Variants in CNTLN observed in about 807,000 individuals in gnomAD.
CNTLN encodes the protein centlein.
CNTLN carries 212 observed loss-of-function variants against 180.0 expected under a neutral mutation model. That is an observed-to-expected ratio of 1.18 (90% CI 1.05 to 1.32). The LOEUF is 1.32. CNTLN is among the 40% of genes most tolerant of loss of function. The pLI is 0.00. For missense variants in CNTLN, 2,095 were observed against 1,610.9 expected (o/e 1.30, Z -5.14); for synonymous variants, 722 against 563.1 (o/e 1.28, Z -3.99).
At chr9:17,361,910 C>G (rs1232127260) in intron 12 of CNTLN, among the ~76,000 whole-genome samples, 1 of 152,166 alleles carries the variant, frequency 6.6e-6, no homozygotes, top group African/African-American at 2.4e-5. Flanking sequence ...ATAAGAAACA[C>G]CAGTGTAAGT....
chr9:17,347,433 C>G (rs1167089234), intron 12 of CNTLN, among the ~76,000 whole-genome samples: 1 of 152,068 alleles, frequency 6.6e-6, no homozygotes, highest in Non-Finnish European at 1.5e-5. Context: ...CTTTGGGAGG[C>G]TTAGGCGGGC....
At chr9:17,249,877 T>C (rs979082339) in intron 5 of CNTLN, among the ~76,000 whole-genome samples, 4 of 149,188 alleles carry the variant, frequency 2.7e-5, no homozygotes, top group Non-Finnish European at 5.9e-5. Flanking sequence ...GTATTTCGTA[T>C]ATGCCTTCTA....
intron 6 of CNTLN, among the ~76,000 whole-genome samples, chr9:17,278,974 C>T (rs1043440839): frequency 1.1e-3 from 162 of 152,012 alleles, no homozygotes; most frequent in African/African-American, 3.7e-3. Flanking sequence ...ATAAGGCTCT[C>T]TGATGTGAAA....
At chr9:17,256,235 A>G (rs1458394805) in intron 5 of CNTLN, among the ~76,000 whole-genome samples, 1 of 151,946 alleles carries the variant, frequency 6.6e-6, no homozygotes, top group Non-Finnish European at 1.5e-5. Context: ...TGTTTTTGGT[A>G]GAAAAATTTA....
At chr9:17,188,080 T>C (rs1821550060) in intron 2 of CNTLN, among the ~76,000 whole-genome samples, 1 of 151,288 alleles carries the variant, frequency 6.6e-6, no homozygotes, top group South Asian at 2.1e-4. Flanking sequence ...CTTTGAATTC[T>C]TTCCCACTTC....
At chr9:17,273,241 CCA>C (rs1188927696) in intron 5 of CNTLN, among the ~76,000 whole-genome samples, 5 of 152,066 alleles carry the variant, frequency 3.3e-5, no homozygotes, top group African/African-American at 9.7e-5. Flanking sequence ...GTAAATTTCA[CCA>C]CAGTCAAGAG....
chr9:17,472,470 C>G (rs997886241), intron 23 of CNTLN, among the ~76,000 whole-genome samples: 1 of 152,148 alleles, frequency 6.6e-6, no homozygotes, highest in African/African-American at 2.4e-5. Flanking sequence ...GTAAGCCATC[C>G]AATCCCCTAT....
chr9:17,494,823 C>A, intron 25 of CNTLN: 1 of 387,242 alleles, frequency 2.6e-6, no homozygotes, highest in Admixed American at 3.2e-5. Context: ...GCACATAATA[C>A]TCAATAATGA....
intron 5 of CNTLN, among the ~76,000 whole-genome samples, chr9:17,260,362 C>G (rs967416940): frequency 1.4e-4 from 21 of 151,144 alleles, no homozygotes; most frequent in African/African-American, 4.9e-4. Context: ...AATTTCTGTT[C>G]TTTTACATTT....
At chr9:17,433,073 C>T (rs1379638730) in intron 18 of CNTLN, among the ~76,000 whole-genome samples, 4 of 150,372 alleles carry the variant, frequency 2.7e-5, no homozygotes, top group African/African-American at 9.8e-5. Flanking sequence ...TGTCTAACCT[C>T]CAAATCTAAC....
chr9:17,429,643 A>G lies in CNTLN; in HGVS notation c.3114+13454A>G, dbSNP rs531199642. Among the ~76,000 whole-genome samples, 4 of 152,088 alleles carry G rather than the reference A, an allele frequency of 2.6e-5. No individual in the cohort carries two copies. The East Asian group carries it at 7.7e-4, about 29-fold the overall frequency. The stretch of plus-strand genomic sequence containing the variant: ...GGATAAGAATTATTATCCTGTTTTT[A>G]TGCAGGAAAAAAAGAGACCGCGTGG... On this transcript the variant is annotated intron_variant, in intron 18 of 25. Coordinates refer to ENST00000380647, the MANE Select transcript of CNTLN (RefSeq NM_017738.4).
chr9:17,177,850 C>G (rs943110271), intron 2 of CNTLN, among the ~76,000 whole-genome samples: 1 of 152,110 alleles, frequency 6.6e-6, no homozygotes, highest in Non-Finnish European at 1.5e-5. Flanking sequence ...TGGAAGGGGA[C>G]CTGAATGGGT....
chr9:17,180,211 C>G (rs1269373587), intron 2 of CNTLN, among the ~76,000 whole-genome samples: 1 of 143,884 alleles, frequency 7.0e-6, no homozygotes, highest in Non-Finnish European at 1.5e-5. Context: ...GCTTTTTTTT[C>G]TGTTTGCTAT....
chr9:17,451,663 A>G (rs1314806088), intron 18 of CNTLN, among the ~76,000 whole-genome samples: 1 of 152,148 alleles, frequency 6.6e-6, no homozygotes, highest in Non-Finnish European at 1.5e-5. Context: ...ATGGACTGCA[A>G]AGTGTTCTTT....
At chr9:17,178,293 G>C (rs193106368) in intron 2 of CNTLN, among the ~76,000 whole-genome samples, 4 of 152,194 alleles carry the variant, frequency 2.6e-5, no homozygotes, top group African/African-American at 9.6e-5. Context: ...CAATCCCTTA[G>C]CTAGACATAA....
intron 12 of CNTLN, among the ~76,000 whole-genome samples, chr9:17,346,274 C>G (rs753782365): frequency 1.3e-5 from 2 of 152,040 alleles, no homozygotes; most frequent in Non-Finnish European, 2.9e-5. Flanking sequence ...AGCATGAGAA[C>G]AGCATGAGAA....
chr9:17,349,534 A>G (rs1018762263), intron 12 of CNTLN, among the ~76,000 whole-genome samples: 1 of 152,168 alleles, frequency 6.6e-6, no homozygotes, highest in African/African-American at 2.4e-5. Context: ...CTGTACATCA[A>G]TTTACAAAAT....
intron 7 of CNTLN, among the ~76,000 whole-genome samples, chr9:17,302,870 T>G (rs1818467346): frequency 6.6e-6 from 1 of 152,222 alleles, no homozygotes; most frequent in Non-Finnish European, 1.5e-5. Context: ...AATTGTACTA[T>G]AAGCCAGGGA....
the CNTLN span, among the ~76,000 whole-genome samples, chr9:17,521,882 A>T: frequency 6.6e-6 from 1 of 152,304 alleles, no homozygotes; most frequent in South Asian, 2.1e-4. Flanking sequence ...ATGCTGATTT[A>T]TTTATAGCTA....
Sources: gnomAD v4.1 joint callset for allele counts (sites outside exome capture counted in the v4.1 genomes callset) on GRCh38, gnomAD v4.1.1 for gene constraint, MANE v1.5 for transcripts, NCBI Gene and HGNC (gene_info 2026-07-23, HGNC 2026-07-21) for gene names.